The following RCC2 variants were observed in gnomAD, a reference collection of about 807,000 sequenced individuals.
The protein encoded by RCC2 is protein RCC2.
Under a neutral mutation model 64.1 loss-of-function variants are expected in RCC2, and 19 were observed. That is an observed-to-expected ratio of 0.30 (90% CI 0.21 to 0.44). RCC2 has a LOEUF of 0.44. RCC2 is among the 20% of genes least tolerant of loss of function. The pLI is 1.00. For missense variants in RCC2, 508 were observed against 710.4 expected, an observed-to-expected ratio of 0.72 and a Z score of 3.24; for synonymous variants, 325 against 279.6, an observed-to-expected ratio of 1.16 and a Z score of -1.62.
intron 8 of RCC2, among the ~76,000 whole-genome samples, chr1:17,413,923 G>C (rs1056608361): frequency 6.6e-6 from 1 of 152,178 alleles, no homozygotes; most frequent in African/African-American, 2.4e-5. Flanking sequence ...TTGAGGTCAG[G>C]AGTTTGAGAC....
chr1:17,438,763 G>A (rs2075773066), intron 1 of RCC2, among the ~76,000 whole-genome samples: 1 of 152,150 alleles, frequency 6.6e-6, no homozygotes, highest in African/African-American at 2.4e-5. Flanking sequence ...ATCCCCTGGA[G>A]GGAGAATTGA....
At chr1:17,420,622 A>G (rs2075545708) in intron 7 of RCC2, 92 bp downstream of exon 7, 4 of 741,310 alleles carry the variant, frequency 5.4e-6, no homozygotes, top group Non-Finnish European at 8.6e-6. Context: ...AATTACCCAC[A>G]TTTCTAACAC....
chr1:17,409,076 A>G lies in RCC2; in HGVS notation c.*14T>C. On this transcript the variant is annotated 3_prime_UTR_variant, in exon 13 of 13. Transcript: ENST00000375436. ...GCCGCGAGAGGTGTGGAGTCGGAGG[A>G]GTCTCCGGGAGCATCAGAGGGTTCG... The G allele has an allele frequency of 6.4e-7, 1 of 1,555,258 alleles. No individual in the cohort carries two copies. The highest frequency in any genetic ancestry group is 8.9e-7 in the Non-Finnish European group (1 of 1,126,292).
intron 10 of RCC2, among the ~76,000 whole-genome samples, chr1:17,412,872 A>G (rs1446161040): frequency 6.6e-6 from 1 of 152,236 alleles, no homozygotes; most frequent in Non-Finnish European, 1.5e-5. Context: ...GACAGGGAAC[A>G]GCCATCTGTT....
At chr1:17,409,907 A>G in intron 12 of RCC2, 67 bp downstream of exon 12, 1 of 1,357,438 alleles carries the variant, frequency 7.4e-7, no homozygotes, top group South Asian at 1.2e-5. Flanking sequence ...GATGATCAAA[A>G]TCATGAGGAG....
At chr1:17,438,592 G>T in intron 1 of RCC2, 70 bp from the exon 2 acceptor site, 1 of 1,255,948 alleles carries the variant, frequency 8.0e-7, no homozygotes, top group Non-Finnish European at 1.0e-6. Flanking sequence ...GGGGAGCGGA[G>T]ACGAGCCACC....
rs906347995 is a variant in RCC2 at position 17,409,255 on chromosome 1, G to C, written c.1465-61C>G. ...CGCCTGGACTAATCAATGCGTTGAA[G>C]AGACTCTGGAAACTGGGCTGCTAAA... On this transcript the variant is annotated intron_variant, in intron 12 of 12. Coordinates refer to ENST00000375436, the MANE Select transcript of RCC2 (RefSeq NM_018715.4). 7 of 1,076,410 alleles carry C rather than the reference G, an allele frequency of 6.5e-6. No individual in the cohort carries two copies. In the East Asian group the frequency reaches 1.7e-4, roughly 25 times the overall value. 66.7% of individuals were successfully genotyped at this position (1,076,410 alleles called of 1,614,324 possible).
In RCC2 at chr1:17,438,497, CG is replaced by C; in HGVS notation, c.17del (p.Ala6GlyfsTer102). ...TCGGCTCCTCCCAGGCCGCCGCCGC[CG>C]CCTTCTTCCTGGGCATGGTCGCGGC... MPRKK[A>X]AAAAWEEPSS... On this transcript the variant is annotated frameshift_variant, in exon 2 of 13. Coordinates refer to ENST00000375436, the MANE Select transcript of RCC2 (RefSeq NM_018715.4). LOFTEE classifies it high-confidence loss of function. 1.5e-6 allele frequency: 2 copies of C among 1,346,014 alleles called. No homozygotes were observed. The highest frequency in any genetic ancestry group is 2.1e-5 in the South Asian group (1 of 46,930). The allele number at this position is 1,346,014 out of a possible 1,614,324, so 83.4% of individuals were successfully genotyped here. A position where few individuals can be genotyped will look rare whatever the true frequency, so the allele number is the denominator to read the frequency against.
At chr1:17,424,551 C>T (rs1570192542) in intron 4 of RCC2, among the ~76,000 whole-genome samples, 1 of 152,136 alleles carries the variant, frequency 6.6e-6, no homozygotes, top group Admixed American at 6.5e-5. Context: ...TAAATTTGGG[C>T]CAGACACACT....
chr1:17,438,167 C>CCGCGT, intron 2 of RCC2, 63 bp downstream of exon 2: 4 of 1,099,188 alleles, frequency 3.6e-6, no homozygotes, highest in Non-Finnish European at 4.5e-6. Context: ...GCGCGCCGTG[C>CCGCGT]CGCGTCGCTG....
intron 3 of RCC2, among the ~76,000 whole-genome samples, chr1:17,427,501 T>A (rs955350121): frequency 2.0e-5 from 3 of 152,120 alleles, no homozygotes; most frequent in Non-Finnish European, 4.4e-5. Flanking sequence ...GCACCTAAAT[T>A]AAGATTCAGG....
rs144038173 is a variant in RCC2, at chr1:17,411,125, C to A, written c.1386+997G>T. On this transcript the variant is annotated intron_variant, in intron 11 of 12. Coordinates refer to ENST00000375436, the MANE Select transcript of RCC2 (RefSeq NM_018715.4). ...ATCAACCACAAGAGTACCTTGCAAC[C>A]ACAAGAGTGCAGGAGAGGGAGACAG... Among the ~76,000 whole-genome samples, 3 of 152,220 alleles carry A rather than the reference C, an allele frequency of 2.0e-5. No individual in the cohort carries two copies. The East Asian group carries it at 5.8e-4, about 29-fold the overall frequency.
chr1:17,418,818 G>A (rs1045701898), intron 7 of RCC2, among the ~76,000 whole-genome samples: 4 of 152,216 alleles, frequency 2.6e-5, no homozygotes, highest in African/African-American at 7.2e-5. Flanking sequence ...TTCCGGACAA[G>A]GTTTCAGCAA....
At position 17,438,303 on chromosome 1, in the gene RCC2, C is replaced by T; in HGVS notation, c.212G>A (p.Arg71Gln). 8.0e-7 allele frequency: 1 copy of T among 1,245,810 alleles called. No individual in the cohort carries two copies. The highest frequency in any genetic ancestry group is 4.3e-5 in the East Asian group (1 of 23,428). The allele number at this position is 1,245,810 out of a possible 1,614,324, so 77.2% of individuals were successfully genotyped here. The stretch of plus-strand genomic sequence containing the variant: ...GCCCGCCTTGCCTGCTGTCGCCGGC[C>T]GCGCCGCGCGCTTGCCCCCGCCGGG... ...GAPGGGKRAA[R>Q]PATAGKAGGA... Residue 71 changes from arginine to glutamine, a missense_variant, in exon 2 of 13, where the codon CGG becomes CAG. Arg to Gln is a conservative substitution (Grantham distance 43, BLOSUM62 1). Transcript: ENST00000375436.
At chr1:17,416,329 C>T (rs2075484632) in intron 8 of RCC2, 151 bp downstream of exon 8, 2 of 800,152 alleles carry the variant, frequency 2.5e-6, no homozygotes, top group Non-Finnish European at 1.9e-6. Flanking sequence ...ACCAAGGACC[C>T]TTTGGCCAAG....
At chr1:17,426,236 G>A (rs905401609) in intron 3 of RCC2, among the ~76,000 whole-genome samples, 2 of 152,050 alleles carry the variant, frequency 1.3e-5, no homozygotes, top group Non-Finnish European at 2.9e-5. Flanking sequence ...CTTTCTGAGG[G>A]GTGACCCGAG....
Position 17,408,995 on chromosome 1 carries a change from G to C in RCC2, c.*95C>G. 1.0e-6 allele frequency: 1 copy of C among 972,864 alleles called. No individual in the cohort carries two copies. The highest frequency in any genetic ancestry group is 1.7e-6 in the Non-Finnish European group (1 of 602,716). The allele number at this position is 972,864 out of a possible 1,614,324, so 60.3% of individuals were successfully genotyped here. A position where few individuals can be genotyped will look rare whatever the true frequency, so the allele number is the denominator to read the frequency against. The stretch of plus-strand genomic sequence containing the variant: ...AAAAATGCACCTTCGGTCAACTTTT[G>C]CTTTTTTAAATTCCTCGTTTGACTT... On this transcript the variant is annotated 3_prime_UTR_variant, in exon 13 of 13. Transcript: ENST00000375436.
At position 17,434,377 on chromosome 1, in the gene RCC2, A is replaced by G. The variant is rs1023074347; in HGVS notation, c.285+3853T>C. ...AATGAAGCCTCCGTTAAAAACCTGT[A>G]AGGACCAGGTCACAGAGCTTGTGGA... is the stretch of plus-strand genomic sequence containing the variant. On this transcript the variant is annotated intron_variant, in intron 2 of 12. Coordinates refer to ENST00000375436, the MANE Select transcript of RCC2 (RefSeq NM_018715.4). Among the ~76,000 whole-genome samples the G allele has an allele frequency of 3.9e-5, 6 of 152,320 alleles. No individual in the cohort carries two copies. The South Asian group carries it at 1.2e-3, about 32-fold the overall frequency.
chr1:17,438,458 G>T lies in RCC2; in HGVS notation c.57C>A (p.Gly19=). Residue 19 remains glycine, a synonymous_variant, in exon 2 of 13, where the codon GGC becomes GGA. Transcript: ENST00000375436. ...AAWEEPSSGN[G]TARAGPRKRG... The stretch of plus-strand genomic sequence containing the variant: ...GTTTCCTGGGCCCGGCGCGGGCAGT[G>T]CCGTTGCCCGAGCTCGGCTCCTCCC... 1 of 1,318,398 alleles carries T rather than the reference G, an allele frequency of 7.6e-7. No homozygotes were observed. The highest frequency in any genetic ancestry group is 9.6e-7 in the Non-Finnish European group (1 of 1,037,836). 81.7% of individuals were successfully genotyped at this position (1,318,398 alleles called of 1,614,324 possible).
Sources: gnomAD v4.1 joint callset for allele counts (sites outside exome capture counted in the v4.1 genomes callset) on GRCh38, gnomAD v4.1.1 for gene constraint, MANE v1.5 for transcripts, NCBI Gene and HGNC (gene_info 2026-07-23, HGNC 2026-07-21) for gene names.